OPHN1: variants seen among roughly 807,000 people sequenced by gnomAD.
OPHN1 encodes oligophrenin 1.
In OPHN1, 11 loss-of-function variants were observed where a neutral mutation model predicts 60.7. The ratio of observed to expected loss-of-function variants is 0.18; its 90% CI spans 0.11 to 0.30. The LOEUF (loss-of-function observed/expected upper bound fraction) is 0.30, where lower values mean the gene tolerates loss of function less well. Among genes scored for constraint, OPHN1 ranks in the 10% least tolerant of loss-of-function variants. OPHN1 has a pLI of 1.00. For synonymous variants in OPHN1, 226 were observed against 222.6 expected (o/e 1.02, Z -0.14); for missense variants, 449 against 611.0 (o/e 0.73, Z 2.80).
In OPHN1 at chrX:68,306,165, T is replaced by C. The variant is rs1248216292; in HGVS notation, c.155-7069A>G. Among the ~76,000 whole-genome samples the C allele has an allele frequency of 3.6e-5, 4 of 112,260 alleles. No homozygotes were observed. In the South Asian group the frequency reaches 1.5e-3, roughly 42 times the overall value. On this transcript the variant is annotated intron_variant, in intron 2 of 24. Transcript: ENST00000355520. ...CATGATTAAACTAGTTGTCTGAGCATTGGCCAACTCAATAATGCATCCAAA... is the reference window on the plus strand; with the variant it reads ...CATGATTAAACTAGTTGTCTGAGCACTGGCCAACTCAATAATGCATCCAAA...
intron 16 of OPHN1, among the ~76,000 whole-genome samples, chrX:68,118,926 G>A (rs2077138652): frequency 8.9e-6 from 1 of 112,014 alleles, no homozygotes; most frequent in Non-Finnish European, 1.9e-5. Context: ...CCCAGCTCCT[G>A]ATTCTACTAG....
At chrX:68,299,709 A>T (rs1033378066) in intron 2 of OPHN1, among the ~76,000 whole-genome samples, 4 of 112,502 alleles carry the variant, frequency 3.6e-5, no homozygotes, top group Non-Finnish European at 7.5e-5. Context: ...GCAACGAATG[A>T]AAACAATCAG....
At chrX:68,058,923 G>C (rs2076883233) in intron 21 of OPHN1, among the ~76,000 whole-genome samples, 1 of 111,720 alleles carries the variant, frequency 9.0e-6, no homozygotes, top group Non-Finnish European at 1.9e-5. Flanking sequence ...GGCATGTAGA[G>C]GACTCACTTT....
chrX:68,225,105 C>A (rs1029394073), intron 6 of OPHN1, among the ~76,000 whole-genome samples: 3 of 112,044 alleles, frequency 2.7e-5, no homozygotes, highest in African/African-American at 9.7e-5. Context: ...GTCCCAAGCT[C>A]ACGGAGCCTC....
At chrX:68,132,004 T>A (rs1432518188) in intron 15 of OPHN1, among the ~76,000 whole-genome samples, 3 of 112,626 alleles carry the variant, frequency 2.7e-5, no homozygotes, top group Non-Finnish European at 5.6e-5. Context: ...TCACAGAATG[T>A]CTTTAAAACA....
intron 2 of OPHN1, among the ~76,000 whole-genome samples, chrX:68,384,965 C>T (rs12860921): frequency 9.0e-6 from 1 of 110,799 alleles, no homozygotes; most frequent in African/African-American, 3.3e-5. Context: ...GTGTACACTG[C>T]TTGGGTGATG....
chrX:68,252,453 C>G (rs1220122685), intron 5 of OPHN1, among the ~76,000 whole-genome samples: 4 of 112,037 alleles, frequency 3.6e-5, no homozygotes, highest in Non-Finnish European at 5.6e-5. Context: ...CCAACAATTT[C>G]CCATTTTCCA....
intron 6 of OPHN1, among the ~76,000 whole-genome samples, chrX:68,217,131 A>T (rs1396280881): frequency 2.7e-5 from 3 of 112,140 alleles, no homozygotes; most frequent in Non-Finnish European, 5.6e-5. Context: ...GCAAGGGGTC[A>T]GCGAGTTCCC....
At chrX:68,205,567 G>A (rs898510479) in intron 10 of OPHN1, among the ~76,000 whole-genome samples, 1 of 111,839 alleles carries the variant, frequency 8.9e-6, no homozygotes, top group African/African-American at 3.3e-5. Context: ...AAAGCAGGGA[G>A]CTAAATCTTG....
intron 2 of OPHN1, among the ~76,000 whole-genome samples, chrX:68,411,855 T>G (rs1475218711): frequency 8.9e-6 from 1 of 111,775 alleles, no homozygotes; most frequent in Non-Finnish European, 1.9e-5. Context: ...TGTTCCTATG[T>G]CCATAATGGT....
rs1488808849 is a variant in OPHN1 at position 68,170,732 on chromosome X, T to A, written c.1276+22187A>T. 3.4e-5 allele frequency among the ~76,000 whole-genome samples: 3 copies of A among 88,223 alleles called. No individual in the cohort carries two copies. In the Admixed American group the frequency reaches 4.8e-4, roughly 14 times the overall value. 76.6% of individuals were successfully genotyped at this position (88,223 alleles called of 115,157 possible). On this transcript the variant is annotated intron_variant, in intron 15 of 24. Coordinates refer to ENST00000355520, the MANE Select transcript of OPHN1 (RefSeq NM_002547.3). Reference sequence around the variant, plus strand: ...TCACTCATAGGTGGGAACTGAACAATGAGAACACATGGACACAGGAAGGGG... The same window carrying A: ...TCACTCATAGGTGGGAACTGAACAAAGAGAACACATGGACACAGGAAGGGG...
chrX:68,080,087 G>A (rs12558557), intron 19 of OPHN1, among the ~76,000 whole-genome samples: 1,475 of 111,491 alleles, frequency 0.013, 13 homozygotes, highest in Non-Finnish European at 0.018. Context: ...TAATCTAATT[G>A]TGTTACTCCA....
In OPHN1 at chrX:68,317,363, GAAAGAAAGAAAGA is replaced by G. The variant is rs1569278075; in HGVS notation, c.155-18280_155-18268del. Reference sequence around the variant, plus strand: ...GGAAAGAAAGAAAGAAAGAAAGAAAGAAAGAAAGAAAGAAAGGAAGGAAGGAAGGAAGGAAGGA... The same window carrying G: ...GGAAAGAAAGAAAGAAAGAAAGAAAGAAGGAAGGAAGGAAGGAAGGAAGGA... On this transcript the variant is annotated intron_variant, in intron 2 of 24. Transcript: ENST00000355520. Among the ~76,000 whole-genome samples the G allele has an allele frequency of 9.8e-3, 673 of 68,662 alleles. 12 individuals carry two copies. Among genetic ancestry groups the G allele is most frequent in the African/African-American group, 0.041 (643 of 15,506 alleles). 59.6% of individuals were successfully genotyped at this position (68,662 alleles called of 115,157 possible).
At chrX:68,133,376 T>C in intron 15 of OPHN1, 2 of 789,450 alleles carry the variant, frequency 2.5e-6, no homozygotes, top group South Asian at 4.1e-5. Context: ...ATGAATCTTT[T>C]GTGAAATTCA....
intron 15 of OPHN1, among the ~76,000 whole-genome samples, chrX:68,168,306 T>A (rs1602206764): frequency 9.0e-6 from 1 of 111,405 alleles, no homozygotes; most frequent in East Asian, 2.8e-4. Context: ...AAACTGTCTC[T>A]CAGACCACGG....
intron 15 of OPHN1, among the ~76,000 whole-genome samples, chrX:68,142,408 G>A (rs1164466754): frequency 8.9e-6 from 1 of 111,914 alleles, no homozygotes; most frequent in African/African-American, 3.2e-5. Flanking sequence ...TTTTCCCAGC[G>A]GGCTTTATGT....
intron 15 of OPHN1, among the ~76,000 whole-genome samples, chrX:68,145,108 ACT>A (rs1300760826): frequency 4.5e-5 from 5 of 111,664 alleles, no homozygotes; most frequent in Non-Finnish European, 9.4e-5. Context: ...ACTGTATAAA[ACT>A]CTGAGAAACC....
intron 19 of OPHN1, among the ~76,000 whole-genome samples, chrX:68,096,130 A>G (rs758371013): frequency 9.0e-6 from 1 of 111,532 alleles, no homozygotes; most frequent in Non-Finnish European, 1.9e-5. Context: ...AGGCCATAAA[A>G]GAATTCTCTG....
chrX:68,360,135 T>C (rs1418785258), intron 2 of OPHN1, among the ~76,000 whole-genome samples: 2 of 111,120 alleles, frequency 1.8e-5, no homozygotes, highest in Non-Finnish European at 3.8e-5. Context: ...TAGCACTACG[T>C]AAATCAGCTC....
Sources: allele counts gnomAD v4.1 joint callset (sites outside exome capture counted in the v4.1 genomes callset), GRCh38; gene constraint gnomAD v4.1.1; transcripts MANE v1.5; gene names NCBI Gene and HGNC (gene_info 2026-07-23, HGNC 2026-07-21).